Variants in CTNNA3 observed in about 807,000 individuals in gnomAD.
The protein encoded by CTNNA3 is catenin alpha 3.
CTNNA3 carries 76 observed loss-of-function variants against 95.7 expected under a neutral mutation model. The ratio of observed to expected loss-of-function variants is 0.79; its 90% CI spans 0.66 to 0.96. CTNNA3 has a LOEUF of 0.96. Ranked by LOEUF, CTNNA3 falls within the 40% of genes least tolerant of loss-of-function variation. The probability of loss-of-function intolerance (pLI) is 0.00; values close to 1 mark genes in which losing one functional copy is unlikely to be tolerated. For missense variants in CTNNA3, 1,191 were observed against 1,089.8 expected (o/e 1.09, Z -1.31); for synonymous variants, 431 against 374.4 (o/e 1.15, Z -1.74).
Position 66,560,021 on chromosome 10 carries a change from G to A in CTNNA3, c.1375-39248C>T, listed in dbSNP as rs374946432. Among the ~76,000 whole-genome samples the A allele has an allele frequency of 3.5e-4, 53 of 152,230 alleles. 2 individuals carry two copies. The South Asian group carries it at 0.011, about 31-fold the overall frequency. The stretch of plus-strand genomic sequence containing the variant: ...AATAAAGACAAGTGGGAAGAATGGA[G>A]AGAGGACGGGATTGCATGACTCACA... On this transcript the variant is annotated intron_variant, in intron 10 of 17. Coordinates refer to ENST00000433211, the MANE Select transcript of CTNNA3 (RefSeq NM_013266.4).
Position 66,445,327 on chromosome 10 carries a change from A to G in CTNNA3, c.1532-65975T>C, listed in dbSNP as rs1046429843. The stretch of plus-strand genomic sequence containing the variant: ...CAGCTCTGCACCAAGCAGACCTAAT[A>G]GACATCTACAGAACTCTCCACCCCA... On this transcript the variant is annotated intron_variant, in intron 11 of 17. Coordinates refer to ENST00000433211, the MANE Select transcript of CTNNA3 (RefSeq NM_013266.4). 1.8e-4 allele frequency among the ~76,000 whole-genome samples: 27 copies of G among 152,246 alleles called. 1 individual carries two copies. The highest frequency in any genetic ancestry group is 6.5e-4 in the African/African-American group (27 of 41,540).
chr10:66,477,902 T>C (rs1267734744), intron 11 of CTNNA3, among the ~76,000 whole-genome samples: 1 of 152,098 alleles, frequency 6.6e-6, no homozygotes, highest in Non-Finnish European at 1.5e-5. Context: ...ACTTCTCATA[T>C]CTTGCCTTAA....
At chr10:66,097,014 T>A (rs1338470910) in intron 14 of CTNNA3, among the ~76,000 whole-genome samples, 1 of 152,190 alleles carries the variant, frequency 6.6e-6, no homozygotes, top group Non-Finnish European at 1.5e-5. Context: ...TCGGTGATGT[T>A]GCATTAACAA....
chr10:66,923,763 A>T (rs142703891), intron 7 of CTNNA3, among the ~76,000 whole-genome samples: 249 of 152,326 alleles, frequency 1.6e-3, no homozygotes, highest in African/African-American at 5.1e-3. Context: ...AATTGTTTCC[A>T]GTCTCACTGA....
At chr10:66,346,719 T>TCCTAATAACTTACTTAATTA (rs1420900511) in intron 12 of CTNNA3, among the ~76,000 whole-genome samples, 1 of 152,138 alleles carries the variant, frequency 6.6e-6, no homozygotes, top group East Asian at 1.9e-4. Flanking sequence ...AATTACTTGA[T>TCCTAATAACTTACTTAATTA]CCTAATAACT....
At chr10:66,394,921 A>T in intron 11 of CTNNA3, among the ~76,000 whole-genome samples, 1 of 152,100 alleles carries the variant, frequency 6.6e-6, no homozygotes, top group East Asian at 1.9e-4. Context: ...AAAGTACAAT[A>T]AATGCAAATG....
intron 7 of CTNNA3, among the ~76,000 whole-genome samples, chr10:67,026,249 A>G (rs1243976045): frequency 3.3e-5 from 5 of 152,056 alleles, no homozygotes; most frequent in African/African-American, 4.8e-5. Context: ...CCTAAAACTT[A>G]AAGTATAATA....
intron 7 of CTNNA3, among the ~76,000 whole-genome samples, chr10:66,816,434 T>C (rs1020315063): frequency 6.6e-6 from 1 of 151,942 alleles, no homozygotes; most frequent in Non-Finnish European, 1.5e-5. Context: ...ATGCTGTTTA[T>C]AAAAGAGACA....
intron 14 of CTNNA3, among the ~76,000 whole-genome samples, chr10:66,083,848 T>C (rs891854637): frequency 2.6e-5 from 4 of 152,022 alleles, no homozygotes; most frequent in African/African-American, 9.7e-5. Context: ...GAAATGATAG[T>C]GAGTTGGCTG....
At chr10:66,435,057 T>C (rs1439588319) in intron 11 of CTNNA3, among the ~76,000 whole-genome samples, 4 of 152,158 alleles carry the variant, frequency 2.6e-5, no homozygotes, top group African/African-American at 4.8e-5. Context: ...CAGTATTTTA[T>C]TGAGAATTTT....
At chr10:66,478,987 AAG>A (rs1223646635) in intron 11 of CTNNA3, among the ~76,000 whole-genome samples, 1 of 151,928 alleles carries the variant, frequency 6.6e-6, no homozygotes, top group Non-Finnish European at 1.5e-5. Context: ...TTCCTAACCC[AAG>A]GTCATAAAGA....
At chr10:67,170,091 A>G (rs1354270964) in intron 7 of CTNNA3, among the ~76,000 whole-genome samples, 1 of 152,188 alleles carries the variant, frequency 6.6e-6, no homozygotes, top group African/African-American at 2.4e-5. Flanking sequence ...CACCAGTCAA[A>G]ATGGCTATTA....
At chr10:67,026,632 G>T (rs768100966) in intron 7 of CTNNA3, among the ~76,000 whole-genome samples, 2 of 152,076 alleles carry the variant, frequency 1.3e-5, no homozygotes, top group Non-Finnish European at 2.9e-5. Context: ...CATATTGAAG[G>T]AAAAGGAGCT....
At chr10:66,416,875 G>T (rs1270697711) in intron 11 of CTNNA3, among the ~76,000 whole-genome samples, 1 of 151,992 alleles carries the variant, frequency 6.6e-6, no homozygotes, top group African/African-American at 2.4e-5. Flanking sequence ...TATAAAAAAT[G>T]GTGAAGCAAA....
chr10:66,049,967 G>GAGAGAAA (rs1314453111), intron 15 of CTNNA3, among the ~76,000 whole-genome samples: 1 of 152,006 alleles, frequency 6.6e-6, no homozygotes, highest in East Asian at 1.9e-4. Context: ...GGCCAAAAAA[G>GAGAGAAA]TGTATAGGAA....
chr10:67,579,008 T>TATAC (rs1383319985), intron 3 of CTNNA3, among the ~76,000 whole-genome samples: 1 of 66,256 alleles, frequency 1.5e-5, no homozygotes, highest in African/African-American at 1.3e-4. Context: ...TATATATATA[T>TATAC]ATATATATAT....
intron 7 of CTNNA3, among the ~76,000 whole-genome samples, chr10:66,821,479 T>C (rs1371918427): frequency 6.6e-6 from 1 of 152,104 alleles, no homozygotes; most frequent in African/African-American, 2.4e-5. Flanking sequence ...AACTGAGGAA[T>C]CCAGGTATTC....
At chr10:66,210,088 C>T (rs2088038589) in intron 13 of CTNNA3, among the ~76,000 whole-genome samples, 1 of 151,620 alleles carries the variant, frequency 6.6e-6, no homozygotes, top group African/African-American at 2.4e-5. Flanking sequence ...CACATAATAC[C>T]CAGGGTGGGT....
intron 7 of CTNNA3, among the ~76,000 whole-genome samples, chr10:66,983,371 C>T (rs978282812): frequency 6.6e-6 from 1 of 152,138 alleles, no homozygotes; most frequent in Non-Finnish European, 1.5e-5. Context: ...GCAGCCCCAA[C>T]TAATGTGTCT....
Sources: allele counts gnomAD v4.1 joint callset (sites outside exome capture counted in the v4.1 genomes callset), GRCh38; gene constraint gnomAD v4.1.1; transcripts MANE v1.5; gene names NCBI Gene and HGNC (gene_info 2026-07-23, HGNC 2026-07-21).